HECW2: variants seen among roughly 807,000 people sequenced by gnomAD.
The protein encoded by HECW2 is HECT, C2 and WW domain containing E3 ubiquitin protein ligase 2.
In HECW2, 61 loss-of-function variants were observed where a neutral mutation model predicts 175.2. The ratio of observed to expected loss-of-function variants is 0.35; its 90% CI spans 0.28 to 0.43. The LOEUF (loss-of-function observed/expected upper bound fraction) is 0.43, where lower values mean the gene tolerates loss of function less well. Ranked by LOEUF, HECW2 falls within the 20% of genes least tolerant of loss-of-function variation. The pLI is 1.00. For synonymous variants in HECW2, 671 were observed against 731.0 expected (o/e 0.92, Z 1.32); for missense variants, 1,524 against 2,000.5 (o/e 0.76, Z 4.54).
intron 1 of HECW2, among the ~76,000 whole-genome samples, chr2:196,465,110 C>T (rs115513498): frequency 6.6e-6 from 1 of 152,276 alleles, no homozygotes; most frequent in African/African-American, 2.4e-5. Flanking sequence ...TAGGGTTCTA[C>T]ATGCACCTCA....
At chr2:196,392,815 A>G (rs921456722) in intron 2 of HECW2, among the ~76,000 whole-genome samples, 74 of 152,208 alleles carry the variant, frequency 4.9e-4, no homozygotes, top group Non-Finnish European at 9.6e-4. Context: ...TTTAAAGTTC[A>G]TATGGAACCA....
intron 4 of HECW2, among the ~76,000 whole-genome samples, chr2:196,334,146 A>G (rs1161076598): frequency 6.6e-6 from 1 of 152,208 alleles, no homozygotes. Flanking sequence ...AAACCTTCCA[A>G]AATGGGGCAC....
At chr2:196,242,457 T>G in intron 19 of HECW2, 1 of 456,716 alleles carries the variant, frequency 2.2e-6, no homozygotes. Context: ...CATGTGTTTC[T>G]CAAGTATGTT....
At chr2:196,439,410 C>T (rs578157360) in intron 1 of HECW2, among the ~76,000 whole-genome samples, 75 of 152,280 alleles carry the variant, frequency 4.9e-4, no homozygotes, top group African/African-American at 1.8e-3. Context: ...AAGAAGAAAA[C>T]GTCCATCCTT....
intron 18 of HECW2, among the ~76,000 whole-genome samples, chr2:196,256,509 T>C (rs1175617955): frequency 2.0e-5 from 3 of 152,204 alleles, no homozygotes; most frequent in African/African-American, 7.2e-5. Flanking sequence ...GACTATACCA[T>C]CTAAATATTA....
chr2:196,314,323 G>A (rs1383105641), intron 10 of HECW2, among the ~76,000 whole-genome samples: 8 of 152,172 alleles, frequency 5.3e-5, no homozygotes, highest in Non-Finnish European at 8.8e-5. Context: ...TGAAGTTTCA[G>A]TGAAACCCCC....
chr2:196,202,933 A>G (rs1389299235), intron 28 of HECW2, among the ~76,000 whole-genome samples: 1 of 152,196 alleles, frequency 6.6e-6, no homozygotes, highest in African/African-American at 2.4e-5. Context: ...TTTCACATGC[A>G]CCTTGTATAC....
intron 1 of HECW2, among the ~76,000 whole-genome samples, chr2:196,508,797 C>T (rs1316218145): frequency 6.6e-6 from 1 of 152,156 alleles, no homozygotes; most frequent in Non-Finnish European, 1.5e-5. Context: ...TCATTCTTTC[C>T]TTTCAGAGTC....
At chr2:196,460,605 T>C (rs937896996) in intron 1 of HECW2, among the ~76,000 whole-genome samples, 35 of 152,114 alleles carry the variant, frequency 2.3e-4, no homozygotes, top group Non-Finnish European at 3.7e-4. Flanking sequence ...AATTGTTTTT[T>C]GTCTTGTTTT....
intron 1 of HECW2, among the ~76,000 whole-genome samples, chr2:196,476,781 G>C (rs527826776): frequency 2.6e-5 from 4 of 151,742 alleles, no homozygotes; most frequent in African/African-American, 9.7e-5. Context: ...TAAAATTTGG[G>C]GTACACAGAA....
At chr2:196,560,533 T>C (rs1689961810) in intron 1 of HECW2, among the ~76,000 whole-genome samples, 1 of 152,182 alleles carries the variant, frequency 6.6e-6, no homozygotes, top group Non-Finnish European at 1.5e-5. Flanking sequence ...AAAATCTTAA[T>C]TGCATGTTCA....
chr2:196,591,479 A>G (rs922401922), intron 1 of HECW2, among the ~76,000 whole-genome samples: 9 of 152,252 alleles, frequency 5.9e-5, no homozygotes, highest in African/African-American at 2.2e-4. Context: ...ACACAACCAC[A>G]TCGAAGCCAA....
At position 196,199,087 on chromosome 2, in the gene HECW2, T is replaced by A. The variant is rs1686775587; in HGVS notation, c.*2190A>T. ...AAATGTCTCAAACCAAAATGAAGGA[T>A]AACATGGTCTTTGAATGTATTTTTG... On this transcript the variant is annotated 3_prime_UTR_variant, in exon 29 of 29. Coordinates refer to ENST00000644978, the MANE Select transcript of HECW2 (RefSeq NM_001348768.2). The A allele has an allele frequency of 6.6e-6, 1 of 152,576 alleles. No homozygotes were observed. Among genetic ancestry groups the A allele is most frequent in the Non-Finnish European group, 1.5e-5 (1 of 68,004 alleles). The allele number at this position is 152,576 out of a possible 1,614,324, so 9.5% of individuals were successfully genotyped here.
intron 14 of HECW2, chr2:196,288,604 T>C (rs1032020082): frequency 3.3e-5 from 5 of 152,208 alleles, no homozygotes; most frequent in Admixed American, 2.0e-4. Flanking sequence ...CATCATGCAT[T>C]TCCTATAAGA....
intron 2 of HECW2, among the ~76,000 whole-genome samples, chr2:196,387,030 AATTTTTCTC>A (rs1694370248): frequency 6.6e-6 from 1 of 152,122 alleles, no homozygotes; most frequent in South Asian, 2.1e-4. Flanking sequence ...GTGATGACTC[AATTTTTCTC>A]ATTTTTCTCT....
intron 15 of HECW2, among the ~76,000 whole-genome samples, chr2:196,278,131 A>ATATATATATATATATATATATATATATAT (rs1559005185): frequency 3.4e-5 from 1 of 29,008 alleles, no homozygotes; most frequent in Non-Finnish European, 1.0e-4. Flanking sequence ...GTATAATTAA[A>ATATATATATATATATATATATATATATAT]AAATATATAT....
chr2:196,520,558 T>C (rs1267292580), intron 1 of HECW2, among the ~76,000 whole-genome samples: 10 of 152,206 alleles, frequency 6.6e-5, no homozygotes, highest in Admixed American at 1.3e-4. Flanking sequence ...TAAACACATT[T>C]ACATGAAATG....
intron 14 of HECW2, chr2:196,291,122 T>A (rs1690586550): frequency 6.6e-6 from 1 of 152,096 alleles, no homozygotes; most frequent in Non-Finnish European, 1.5e-5. Context: ...AGTAAGAGGC[T>A]ATTGTGGTAA....
intron 13 of HECW2, among the ~76,000 whole-genome samples, chr2:196,300,622 T>C (rs1296927450): frequency 6.6e-6 from 1 of 152,194 alleles, no homozygotes; most frequent in Non-Finnish European, 1.5e-5. Flanking sequence ...AGTGTCTCTT[T>C]TACTATTATT....
Sources: allele counts gnomAD v4.1 joint callset (sites outside exome capture counted in the v4.1 genomes callset), GRCh38; gene constraint gnomAD v4.1.1; transcripts MANE v1.5; gene names NCBI Gene and HGNC (gene_info 2026-07-23, HGNC 2026-07-21).